Variants in CLVS1 observed in about 807,000 individuals in gnomAD.
The protein encoded by CLVS1 is clavesin-1.
A neutral mutation model predicts 33.1 loss-of-function variants in CLVS1; 10 were observed. The ratio of observed to expected loss-of-function variants is 0.30; its 90% CI spans 0.19 to 0.51. CLVS1 has a LOEUF of 0.51. Among genes scored for constraint, CLVS1 ranks in the 20% least tolerant of loss-of-function variants. The probability of loss-of-function intolerance (pLI) is 0.97; values close to 1 mark genes in which losing one functional copy is unlikely to be tolerated. For missense variants in CLVS1, 343 were observed against 433.4 expected, an observed-to-expected ratio of 0.79 and a Z score of 1.85; for synonymous variants, 163 against 166.1, an observed-to-expected ratio of 0.98 and a Z score of 0.14.
intron 3 of CLVS1, among the ~76,000 whole-genome samples, chr8:61,450,855 T>C (rs1398539103): frequency 6.6e-6 from 1 of 152,236 alleles, no homozygotes; most frequent in Non-Finnish European, 1.5e-5. Context: ...GGTCCTTTTC[T>C]TACTGGAAAC....
chr8:61,478,747 C>T (rs1563571798), intron 5 of CLVS1, among the ~76,000 whole-genome samples: 2 of 152,174 alleles, frequency 1.3e-5, no homozygotes, highest in Non-Finnish European at 2.9e-5. Flanking sequence ...ATACAGCACA[C>T]TGATAGGTCT....
chr8:61,009,401 G>C, the CLVS1 span, among the ~76,000 whole-genome samples: 23 of 152,286 alleles, frequency 1.5e-4, no homozygotes, highest in Admixed American at 1.0e-3. Context: ...ACTCGCCTCG[G>C]CCTCGCCAAG....
At chr8:61,192,470 G>T (rs1156936422) in intron 2 of CLVS1, among the ~76,000 whole-genome samples, 1 of 132,300 alleles carries the variant, frequency 7.6e-6, no homozygotes, top group African/African-American at 2.8e-5. Flanking sequence ...CATGGGCAAG[G>T]ATTTCAAGAC....
At chr8:61,295,393 C>T (rs1810158364) in intron 1 of CLVS1, among the ~76,000 whole-genome samples, 1 of 152,046 alleles carries the variant, frequency 6.6e-6, no homozygotes. Context: ...AAAGGAAGAG[C>T]AAAAATTAGT....
At chr8:61,106,999 A>G (rs1805549541) in intron 1 of CLVS1, among the ~76,000 whole-genome samples, 1 of 152,176 alleles carries the variant, frequency 6.6e-6, no homozygotes, top group Admixed American at 6.5e-5. Flanking sequence ...TCCAAATTCC[A>G]TAAAAGGTGG....
At chr8:61,259,003 T>A (rs1394410954) in intron 2 of CLVS1, among the ~76,000 whole-genome samples, 1 of 152,124 alleles carries the variant, frequency 6.6e-6, no homozygotes, top group Non-Finnish European at 1.5e-5. Context: ...GTCTAAAAAA[T>A]TGCATTATTA....
chr8:61,315,089 T>A (rs1286785027), intron 2 of CLVS1, among the ~76,000 whole-genome samples: 3 of 152,160 alleles, frequency 2.0e-5, no homozygotes, highest in Non-Finnish European at 2.9e-5. Flanking sequence ...AGGCAGTTTT[T>A]CTTCCAAGGT....
At chr8:60,972,966 C>T in the CLVS1 span, among the ~76,000 whole-genome samples, 1 of 152,172 alleles carries the variant, frequency 6.6e-6, no homozygotes, top group African/African-American at 2.4e-5. Flanking sequence ...TTCTGACTTC[C>T]AGCTACTGAC....
intron 4 of CLVS1, among the ~76,000 whole-genome samples, chr8:61,456,422 A>T (rs1235650367): frequency 6.6e-6 from 1 of 152,202 alleles, no homozygotes; most frequent in African/African-American, 2.4e-5. Context: ...TTCTTATTAA[A>T]ATTCAGTCAT....
At chr8:61,073,787 C>T (rs971527541) in intron 1 of CLVS1, among the ~76,000 whole-genome samples, 25 of 144,856 alleles carry the variant, frequency 1.7e-4, no homozygotes, top group East Asian at 6.4e-4. Context: ...CCGAGGCAGG[C>T]GGATCACGAG....
intron 4 of CLVS1, among the ~76,000 whole-genome samples, chr8:61,455,192 G>GTC (rs1817105019): frequency 6.6e-6 from 1 of 151,818 alleles, no homozygotes; most frequent in African/African-American, 2.4e-5. Context: ...GTGTGTGTGT[G>GTC]TGTGTGTGTG....
chr8:60,974,931 T>C, the CLVS1 span, among the ~76,000 whole-genome samples: 6 of 152,160 alleles, frequency 3.9e-5, no homozygotes, highest in Non-Finnish European at 8.8e-5. Context: ...CTTGGATGAA[T>C]TGCTGATGTC....
intron 3 of CLVS1, chr8:61,390,874 T>TA (rs1251121470): frequency 6.6e-6 from 1 of 152,210 alleles, no homozygotes; most frequent in Non-Finnish European, 1.5e-5. Context: ...TAAAAGCAGT[T>TA]AAAAAAGCTT....
rs111396609 is a variant in CLVS1 at position 61,426,011 on chromosome 8, T to C, written c.631-28130T>C. Among the ~76,000 whole-genome samples the C allele has an allele frequency of 3.5e-3, 531 of 152,320 alleles. 2 individuals are homozygous for C. The highest frequency in any genetic ancestry group is 0.012 in the African/African-American group (490 of 41,572). On this transcript the variant is annotated intron_variant, in intron 3 of 5. Transcript: ENST00000325897. ...AATTACACTCTTATAGGGATGCAGA[T>C]TATGCCTGTGGCCTACAAGTTTATC...
chr8:61,256,650 A>C (rs12381518), intron 2 of CLVS1, among the ~76,000 whole-genome samples: 2 of 139,294 alleles, frequency 1.4e-5, no homozygotes, highest in Non-Finnish European at 1.6e-5. Flanking sequence ...AAAAACAAAA[A>C]AAAAAAATAT....
Position 61,458,306 on chromosome 8 carries a change from G to A in CLVS1, c.742-1G>A. On this transcript the variant is annotated splice_acceptor_variant, in intron 4 of 5. Coordinates refer to ENST00000325897, the MANE Select transcript of CLVS1 (RefSeq NM_173519.3). LOFTEE classifies it high-confidence loss of function. ...CTAATTACTTTTTGTTTTCTTTACA[G>A]ATTTTCCTGCATGGAAACAATTTAA... The A allele has an allele frequency of 6.2e-7, 1 of 1,606,464 alleles. No individual in the cohort carries two copies. Among genetic ancestry groups the A allele is most frequent in the Non-Finnish European group, 8.5e-7 (1 of 1,176,054 alleles).
chr8:61,060,922 G>A (rs1804571612), intron 1 of CLVS1, among the ~76,000 whole-genome samples: 1 of 152,088 alleles, frequency 6.6e-6, no homozygotes, highest in South Asian at 2.1e-4. Context: ...TTCAGACTTG[G>A]ACTATTCAGA....
intron 3 of CLVS1, among the ~76,000 whole-genome samples, chr8:61,443,534 T>A (rs1322457151): frequency 1.3e-5 from 2 of 152,182 alleles, no homozygotes; most frequent in African/African-American, 2.4e-5. Context: ...TATACCTTAG[T>A]CAAAAACCAC....
At chr8:61,414,448 T>C (rs974915108) in intron 3 of CLVS1, among the ~76,000 whole-genome samples, 9 of 151,896 alleles carry the variant, frequency 5.9e-5, no homozygotes, top group Admixed American at 4.6e-4. Context: ...TTTCTACTTA[T>C]ATTGAGCTGA....
Sources: gnomAD v4.1 joint callset for allele counts (sites outside exome capture counted in the v4.1 genomes callset) on GRCh38, gnomAD v4.1.1 for gene constraint, MANE v1.5 for transcripts, NCBI Gene and HGNC (gene_info 2026-07-23, HGNC 2026-07-21) for gene names.